The following ZW10 variants were observed in gnomAD, a reference collection of about 807,000 sequenced individuals.
ZW10 encodes zw10 kinetochore protein.
In ZW10, 53 loss-of-function variants were observed where a neutral mutation model predicts 87.8. The observed-to-expected ratio is 0.60, with a 90% CI of 0.48 to 0.76. The LOEUF (loss-of-function observed/expected upper bound fraction) is 0.76. Among genes scored for constraint, ZW10 ranks in the 30% least tolerant of loss-of-function variants. The probability of loss-of-function intolerance (pLI) is 0.00; values close to 1 mark genes in which losing one functional copy is unlikely to be tolerated. For missense variants in ZW10, 837 were observed against 923.0 expected (o/e 0.91, Z 1.21); for synonymous variants, 312 against 329.2 (o/e 0.95, Z 0.57).
intron 2 of ZW10, among the ~76,000 whole-genome samples, chr11:113,763,192 G>A (rs989053970): frequency 1.3e-5 from 2 of 152,162 alleles, no homozygotes; most frequent in African/African-American, 2.4e-5. Flanking sequence ...CAAAGGACAT[G>A]CTCTCATTCC....
At chr11:113,758,787 A>G in intron 5 of ZW10, 81 bp from the exon 6 acceptor site, 1 of 1,365,320 alleles carries the variant, frequency 7.3e-7, no homozygotes, top group Non-Finnish European at 1.0e-6. Flanking sequence ...TCATTCTCTG[A>G]TATTTCCAAT....
At chr11:113,741,074 C>T (rs1454084527) in intron 11 of ZW10, among the ~76,000 whole-genome samples, 1 of 150,548 alleles carries the variant, frequency 6.6e-6, no homozygotes, top group East Asian at 1.9e-4. Context: ...AAAAACATCC[C>T]AATATTCAAA....
intron 10 of ZW10, 37 bp from the exon 11 acceptor site, chr11:113,741,802 G>GA: frequency 6.8e-7 from 1 of 1,474,118 alleles, no homozygotes; most frequent in South Asian, 1.2e-5. Flanking sequence ...AAATGCCTAA[G>GA]AATACACTAA....
chr11:113,765,275 A>G (rs1029894277), intron 2 of ZW10, among the ~76,000 whole-genome samples: 3 of 152,190 alleles, frequency 2.0e-5, no homozygotes, highest in East Asian at 1.9e-4. Flanking sequence ...ACGTCCAAAC[A>G]TGTATATGGG....
intron 7 of ZW10, among the ~76,000 whole-genome samples, chr11:113,752,968 CTGGGTTTTTTTAG>C (rs1265543982): frequency 1.3e-5 from 2 of 152,158 alleles, no homozygotes; most frequent in Non-Finnish European, 2.9e-5. Flanking sequence ...AAGGAAAAGA[CTGGGTTTTTTTAG>C]TGTAAACATT....
rs1452441218 is a variant in ZW10 at position 113,736,594 on chromosome 11, T to C, written c.2219+26A>G. ...TCTCTTGTAGCTATGGAGAGTTATA[T>C]GCCTCTATAGAAGGGTTATACATAC... On this transcript the variant is annotated intron_variant, in intron 15 of 15. Coordinates refer to ENST00000200135, the MANE Select transcript of ZW10 (RefSeq NM_004724.4). 5.0e-6 allele frequency: 8 copies of C among 1,609,984 alleles called. No individual in the cohort carries two copies. In the Admixed American group the frequency reaches 5.0e-5, roughly 10 times the overall value.
intron 15 of ZW10, among the ~76,000 whole-genome samples, chr11:113,734,086 CTAA>C (rs1475099847): frequency 6.6e-6 from 1 of 152,146 alleles, no homozygotes; most frequent in East Asian, 1.9e-4. Flanking sequence ...CCTCTTTGAA[CTAA>C]TAATGATGAC....
intron 11 of ZW10, among the ~76,000 whole-genome samples, chr11:113,740,341 C>CAGGAGG (rs1173397323): frequency 3.3e-5 from 5 of 152,150 alleles, no homozygotes; most frequent in African/African-American, 1.2e-4. Flanking sequence ...GTAATACCAT[C>CAGGAGG]ATTTTGAGAG....
At chr11:113,765,717 G>T (rs1360171568) in intron 2 of ZW10, among the ~76,000 whole-genome samples, 3 of 152,164 alleles carry the variant, frequency 2.0e-5, no homozygotes, top group Non-Finnish European at 4.4e-5. Context: ...CTGCTCTACA[G>T]ACTTTTGGAA....
intron 2 of ZW10, among the ~76,000 whole-genome samples, chr11:113,767,225 A>G (rs938492626): frequency 6.6e-6 from 1 of 151,040 alleles, no homozygotes; most frequent in Admixed American, 6.6e-5. Flanking sequence ...ATTTCAAGGT[A>G]TCTCTTTTTA....
chr11:113,734,307 T>C (rs1953525511), intron 15 of ZW10, among the ~76,000 whole-genome samples: 2 of 152,148 alleles, frequency 1.3e-5, no homozygotes, highest in South Asian at 4.1e-4. Flanking sequence ...GAAAAGATGC[T>C]CAACATCATT....
At chr11:113,760,447 A>T in intron 4 of ZW10, 66 bp downstream of exon 4, 1 of 1,605,072 alleles carries the variant, frequency 6.2e-7, no homozygotes, top group Non-Finnish European at 8.5e-7. Flanking sequence ...AATGATAAAA[A>T]ATACAAAATT....
chr11:113,746,809 G>A (rs969387185), intron 9 of ZW10, among the ~76,000 whole-genome samples: 15 of 152,156 alleles, frequency 9.9e-5, no homozygotes, highest in Non-Finnish European at 7.4e-5. Flanking sequence ...GATGCCTGCA[G>A]CATAGTGAAG....
At chr11:113,739,725 G>A (rs570576551) in intron 11 of ZW10, among the ~76,000 whole-genome samples, 88 of 152,230 alleles carry the variant, frequency 5.8e-4, no homozygotes, top group African/African-American at 2.1e-3. Flanking sequence ...GGAAATACAG[G>A]TTTACTTCAC....
intron 7 of ZW10, among the ~76,000 whole-genome samples, chr11:113,755,084 T>A (rs1280086011): frequency 6.6e-6 from 1 of 152,246 alleles, no homozygotes; most frequent in Non-Finnish European, 1.5e-5. Flanking sequence ...GAGATTAATA[T>A]GTTTTGATGC....
intron 13 of ZW10, 44 bp from the exon 14 acceptor site, chr11:113,737,747 G>A (rs377431315): frequency 5.7e-5 from 88 of 1,549,044 alleles, no homozygotes; most frequent in Non-Finnish European, 7.5e-5. Context: ...AGATTACTGT[G>A]ACTCGTATTT....
intron 6 of ZW10, 61 bp downstream of exon 6, chr11:113,758,492 CT>C: frequency 2.6e-6 from 4 of 1,510,908 alleles, no homozygotes; most frequent in Non-Finnish European, 3.6e-6. Flanking sequence ...TCTTTTCTGT[CT>C]TCCCTTTAAT....
At position 113,738,403 on chromosome 11, in the gene ZW10, GA is replaced by G; in HGVS notation, c.1754-10del. On this transcript the variant is annotated splice_polypyrimidine_tract_variant and intron_variant, in intron 12 of 15. Transcript: ENST00000200135. Reference sequence around the variant, plus strand: ...CAAAAAGCATTCTGTCCCTATGATGGAAAAACAGAATAAAAAATTTTAAAAG... The same window carrying G: ...CAAAAAGCATTCTGTCCCTATGATGGAAAACAGAATAAAAAATTTTAAAAG... 1 of 1,602,498 alleles carries G rather than the reference GA, an allele frequency of 6.2e-7. No homozygotes were observed. The highest frequency in any genetic ancestry group is 8.5e-7 in the Non-Finnish European group (1 of 1,176,780).
intron 7 of ZW10, among the ~76,000 whole-genome samples, chr11:113,754,924 A>G (rs1033439296): frequency 6.6e-6 from 1 of 152,158 alleles, no homozygotes; most frequent in Non-Finnish European, 1.5e-5. Context: ...TACAGGTGTG[A>G]GCTACCATGC....
Sources: gnomAD v4.1 joint callset for allele counts (sites outside exome capture counted in the v4.1 genomes callset) on GRCh38, gnomAD v4.1.1 for gene constraint, MANE v1.5 for transcripts, NCBI Gene and HGNC (gene_info 2026-07-23, HGNC 2026-07-21) for gene names.